SLC4A10: variants seen among roughly 807,000 people sequenced by gnomAD.
SLC4A10 encodes sodium-driven chloride bicarbonate exchanger.
In SLC4A10, 42 loss-of-function variants were observed where a neutral mutation model predicts 137.7. The observed-to-expected ratio is 0.30, with a 90% CI of 0.24 to 0.39. The LOEUF is 0.39. SLC4A10 is among the 10% of genes least tolerant of loss of function. The probability of loss-of-function intolerance (pLI) is 1.00; values close to 1 mark genes in which losing one functional copy is unlikely to be tolerated. For synonymous variants in SLC4A10, 474 were observed against 464.1 expected (o/e 1.02, Z -0.27); for missense variants, 925 against 1,355.0 (o/e 0.68, Z 4.98).
intron 1 of SLC4A10, among the ~76,000 whole-genome samples, chr2:161,749,652 T>C (rs755585238): frequency 1.2e-4 from 18 of 152,082 alleles, no homozygotes; most frequent in Non-Finnish European, 2.2e-4. Flanking sequence ...TGTCACTGAG[T>C]TCCATTTTCT....
At chr2:161,699,938 T>C (rs952484912) in intron 1 of SLC4A10, among the ~76,000 whole-genome samples, 1 of 152,158 alleles carries the variant, frequency 6.6e-6, no homozygotes, top group Non-Finnish European at 1.5e-5. Context: ...GCTATGTAGA[T>C]AGATACTGTT....
chr2:161,908,251 G>T (rs192897506), intron 15 of SLC4A10, among the ~76,000 whole-genome samples: 8 of 152,122 alleles, frequency 5.3e-5, no homozygotes, highest in Non-Finnish European at 1.0e-4. Flanking sequence ...GAGGACAGTG[G>T]CATGGACATC....
At chr2:161,738,084 A>C (rs559033981) in intron 1 of SLC4A10, among the ~76,000 whole-genome samples, 19 of 152,304 alleles carry the variant, frequency 1.2e-4, no homozygotes, top group African/African-American at 4.6e-4. Context: ...GGATTAAAAA[A>C]AATTGTTCAA....
At chr2:161,975,719 G>A (rs1699278289) in intron 24 of SLC4A10, among the ~76,000 whole-genome samples, 1 of 152,144 alleles carries the variant, frequency 6.6e-6, no homozygotes, top group African/African-American at 2.4e-5. Context: ...ACCAATCAGG[G>A]TCATATGAAA....
In SLC4A10 at chr2:161,893,728, G is replaced by A. The variant is rs188235382; in HGVS notation, c.1195-951G>A. On this transcript the variant is annotated intron_variant, in intron 10 of 26. Transcript: ENST00000446997. ...AAACAAAAATCAAAAATATTCGAGG[G>A]GGGGACAATAAAAAATAACAATGTT... Among the ~76,000 whole-genome samples, 1,183 of 151,360 alleles carry A rather than the reference G, an allele frequency of 7.8e-3. 8 individuals are homozygous for A. The highest frequency in any genetic ancestry group is 0.041 in the Middle Eastern group (12 of 292).
chr2:161,708,873 G>C (rs750376458), intron 1 of SLC4A10: 1 of 1,501,384 alleles, frequency 6.7e-7, no homozygotes. Context: ...AATGTAGGGT[G>C]CTTGCTTTTT....
intron 4 of SLC4A10, among the ~76,000 whole-genome samples, chr2:161,846,818 G>T (rs1461525464): frequency 1.3e-5 from 2 of 152,172 alleles, no homozygotes; most frequent in Non-Finnish European, 2.9e-5. Context: ...CCAGGGGACA[G>T]AAATAGAGTG....
At chr2:161,767,150 TGTGTGTGTGTGTG>T in intron 1 of SLC4A10, among the ~76,000 whole-genome samples, 1 of 115,170 alleles carries the variant, frequency 8.7e-6, no homozygotes, top group African/African-American at 3.2e-5. Flanking sequence ...TGTGTGTGTG[TGTGTGTGTGTGTG>T]TTTTATTTAT....
chr2:161,884,327 T>C (rs2062050479), intron 10 of SLC4A10, among the ~76,000 whole-genome samples: 1 of 152,176 alleles, frequency 6.6e-6, no homozygotes, highest in Non-Finnish European at 1.5e-5. Flanking sequence ...TCCTACTATG[T>C]CATGGGAAGT....
intron 1 of SLC4A10, among the ~76,000 whole-genome samples, chr2:161,686,854 T>G (rs2041471447): frequency 6.6e-6 from 1 of 151,850 alleles, no homozygotes; most frequent in Non-Finnish European, 1.5e-5. Context: ...TTGCCCATTT[T>G]TTTGGTTATT....
intron 4 of SLC4A10, among the ~76,000 whole-genome samples, chr2:161,854,585 A>T (rs1239449398): frequency 6.6e-6 from 1 of 152,216 alleles, no homozygotes; most frequent in East Asian, 1.9e-4. Flanking sequence ...CCTCCCACTA[A>T]GGAAAAATAA....
intron 1 of SLC4A10, among the ~76,000 whole-genome samples, chr2:161,650,286 G>A (rs1422186780): frequency 6.6e-6 from 1 of 152,324 alleles, no homozygotes; most frequent in South Asian, 2.1e-4. Context: ...GTGATTTTTG[G>A]GAAGAACACC....
chr2:161,800,637 GA>G (rs1363849395), intron 2 of SLC4A10, among the ~76,000 whole-genome samples: 1 of 152,028 alleles, frequency 6.6e-6, no homozygotes, highest in Non-Finnish European at 1.5e-5. Flanking sequence ...TATGTGTTTT[GA>G]AATCTTATGA....
intron 3 of SLC4A10, among the ~76,000 whole-genome samples, chr2:161,828,808 A>ATATATATATATATATATGTG (rs1221709021): frequency 8.2e-6 from 1 of 122,530 alleles, no homozygotes; most frequent in Non-Finnish European, 1.7e-5. Flanking sequence ...ATATATATAT[A>ATATATATATATATATATGTG]TGTATAATCT....
intron 1 of SLC4A10, among the ~76,000 whole-genome samples, chr2:161,737,892 C>G (rs28818009): frequency 1.2e-4 from 19 of 152,068 alleles, no homozygotes; most frequent in Admixed American, 1.2e-3. Context: ...GGATAGAACA[C>G]GAAAAACATG....
intron 2 of SLC4A10, among the ~76,000 whole-genome samples, chr2:161,790,409 C>G (rs909948599): frequency 6.6e-6 from 1 of 151,986 alleles, no homozygotes; most frequent in Admixed American, 6.6e-5. Context: ...GAAAAAGAAC[C>G]ATTTATTTCT....
intron 3 of SLC4A10, among the ~76,000 whole-genome samples, chr2:161,821,180 T>A (rs1050805677): frequency 2.0e-5 from 3 of 152,234 alleles, no homozygotes; most frequent in African/African-American, 7.2e-5. Flanking sequence ...GTTAGTTTTA[T>A]GTGTTTTAAA....
chr2:161,765,216 T>C (rs752508993), intron 1 of SLC4A10, among the ~76,000 whole-genome samples: 25 of 152,192 alleles, frequency 1.6e-4, no homozygotes, highest in Non-Finnish European at 3.4e-4. Context: ...TGTGACTATG[T>C]TGAGATATAA....
rs534393523 is a variant in SLC4A10 at position 161,644,606 on chromosome 2, A to C, written c.48+20040A>C. Among the ~76,000 whole-genome samples the C allele has an allele frequency of 1.2e-4, 19 of 152,320 alleles. No individual in the cohort carries two copies. The South Asian group carries it at 3.7e-3, about 30-fold the overall frequency. Reference sequence around the variant, plus strand: ...CTATGAATGGATTTGAATAACTGTAAATATTTGATTATGTACAATTTTTTA... The same window carrying C: ...CTATGAATGGATTTGAATAACTGTACATATTTGATTATGTACAATTTTTTA... On this transcript the variant is annotated intron_variant, in intron 1 of 26. Transcript: ENST00000446997.
Sources: gnomAD v4.1 joint callset for allele counts (sites outside exome capture counted in the v4.1 genomes callset) on GRCh38, gnomAD v4.1.1 for gene constraint, MANE v1.5 for transcripts, NCBI Gene and HGNC (gene_info 2026-07-23, HGNC 2026-07-21) for gene names.